Variants in C13orf42 observed in about 807,000 individuals in gnomAD.
C13orf42 encodes chromosome 13 open reading frame 42.
intron 1 of C13orf42, among the ~76,000 whole-genome samples, chr13:51,166,676 C>T (rs1256965067): frequency 2.0e-5 from 3 of 151,266 alleles, no homozygotes; most frequent in African/African-American, 7.3e-5. Context: ...TTTGAAATAG[C>T]ATACCAACAA....
upstream of C13orf42, among the ~76,000 whole-genome samples, chr13:51,113,719 C>T (rs926551970): frequency 9.9e-5 from 15 of 152,130 alleles, no homozygotes; most frequent in Non-Finnish European, 1.9e-4. Context: ...GAGTGAGCAA[C>T]CATACCTAGC....
intron 1 of C13orf42, among the ~76,000 whole-genome samples, chr13:51,124,064 A>C (rs1393200828): frequency 6.6e-6 from 1 of 152,204 alleles, no homozygotes; most frequent in African/African-American, 2.4e-5. Context: ...TTGTGAACCT[A>C]GGATCCACCT....
intron 1 of C13orf42, among the ~76,000 whole-genome samples, chr13:51,138,247 A>G (rs6561616): frequency 0.59 from 89,385 of 152,144 alleles, 26,705 homozygotes; most frequent in African/African-American, 0.69. Flanking sequence ...CACTGCTGTG[A>G]CATATTATGA....
intron 1 of C13orf42, among the ~76,000 whole-genome samples, chr13:51,105,011 G>C (rs966665577): frequency 2.6e-5 from 4 of 152,304 alleles, no homozygotes; most frequent in East Asian, 1.9e-4. Flanking sequence ...TAGGATGCAG[G>C]GTGGAGTGGA....
Position 51,110,818 on chromosome 13 carries a change from CGGACA to C in C13orf42, c.387_391del (p.Arg131TyrfsTer19), listed in dbSNP as rs1253743245. 21 of 398,450 alleles carry C rather than the reference CGGACA, an allele frequency of 5.3e-5. No homozygotes were observed. The highest frequency in any genetic ancestry group is 1.3e-5 in the Non-Finnish European group (3 of 226,064). 24.7% of individuals were successfully genotyped at this position (398,450 alleles called of 1,614,324 possible). On this transcript the variant is annotated frameshift_variant, in exon 1 of 4. Coordinates refer to ENST00000563710, the MANE Select transcript of C13orf42 (RefSeq NM_001351589.3). LOFTEE classifies it high-confidence loss of function. ...TACCTTTATTTCTTTGGGAGTAGACCGGACAGGAGTCTTTTTCCCTCCCTTGGAGG... is the reference window on the plus strand; with the variant it reads ...TACCTTTATTTCTTTGGGAGTAGACCGGAGTCTTTTTCCCTCCCTTGGAGG...
At chr13:51,092,175 G>A (rs192913358) in intron 1 of C13orf42, among the ~76,000 whole-genome samples, 29 of 152,202 alleles carry the variant, frequency 1.9e-4, no homozygotes, top group African/African-American at 4.3e-4. Flanking sequence ...ACTCTCCAAC[G>A]TGTCCCTAGT....
upstream of C13orf42, chr13:51,111,275 G>A (rs1953430405): frequency 7.5e-6 from 3 of 398,052 alleles, no homozygotes; most frequent in Non-Finnish European, 4.4e-6. Flanking sequence ...ATCTAGATGC[G>A]GGGAGAGAAG....
At chr13:51,160,963 G>GAAAAAAAAAAAAA (rs78703300) in intron 1 of C13orf42, among the ~76,000 whole-genome samples, 1 of 105,048 alleles carries the variant, frequency 9.5e-6, no homozygotes, top group Non-Finnish European at 1.9e-5. Flanking sequence ...TTGGAAACAA[G>GAAAAAAAAAAAAA]AAAAAAAAAA....
At chr13:51,130,839 A>G (rs561071293) in intron 1 of C13orf42, among the ~76,000 whole-genome samples, 6 of 129,038 alleles carry the variant, frequency 4.6e-5, no homozygotes, top group Non-Finnish European at 1.0e-4. Context: ...AAGGAAAGTG[A>G]AATGTGTTTT....
chr13:51,166,677 A>G (rs1953904739), intron 1 of C13orf42, among the ~76,000 whole-genome samples: 1 of 152,086 alleles, frequency 6.6e-6, no homozygotes, highest in Non-Finnish European at 1.5e-5. Context: ...TTGAAATAGC[A>G]TACCAACAAA....
chr13:51,102,363 A>G (rs542023082), intron 1 of C13orf42, among the ~76,000 whole-genome samples: 1 of 152,176 alleles, frequency 6.6e-6, no homozygotes, highest in East Asian at 1.9e-4. Context: ...TTGGATTCAG[A>G]CCCTCCTGCC....
At chr13:51,159,675 G>A (rs933756879) in intron 1 of C13orf42, among the ~76,000 whole-genome samples, 1 of 152,148 alleles carries the variant, frequency 6.6e-6, no homozygotes, top group East Asian at 1.9e-4. Flanking sequence ...AGATCCGAAG[G>A]ACATGGAGTC....
rs1214486652 is a variant in C13orf42, at chr13:51,093,862, T to C, written c.415-5787A>G. 7.9e-5 allele frequency among the ~76,000 whole-genome samples: 12 copies of C among 152,344 alleles called. No homozygotes were observed. The East Asian group carries it at 2.1e-3, about 27-fold the overall frequency. On this transcript the variant is annotated intron_variant, in intron 1 of 3. Transcript: ENST00000563710. ...ACTTTCCCTCATCAACCACATAGTC[T>C]GTTTAGGAATGGCAGAATACTTGCT...
intron 1 of C13orf42, among the ~76,000 whole-genome samples, chr13:51,158,323 C>A (rs1281364617): frequency 6.6e-6 from 1 of 152,172 alleles, no homozygotes; most frequent in Non-Finnish European, 1.5e-5. Context: ...CCTGGCTATG[C>A]CTCTCCCTGC....
intron 1 of C13orf42, among the ~76,000 whole-genome samples, chr13:51,121,963 C>T (rs767474593): frequency 6.6e-5 from 10 of 151,974 alleles, no homozygotes; most frequent in Non-Finnish European, 1.0e-4. Flanking sequence ...ATGTAATAAG[C>T]GGAAAAAGTC....
At chr13:51,167,682 G>T (rs1449884074) in intron 1 of C13orf42, among the ~76,000 whole-genome samples, 1 of 152,130 alleles carries the variant, frequency 6.6e-6, no homozygotes, top group African/African-American at 2.4e-5. Context: ...CCATTTTCAT[G>T]ATTTAAAAAG....
At chr13:51,159,378 TG>T (rs1953847323) in intron 1 of C13orf42, among the ~76,000 whole-genome samples, 1 of 152,158 alleles carries the variant, frequency 6.6e-6, no homozygotes, top group African/African-American at 2.4e-5. Flanking sequence ...GGGGATAGAA[TG>T]ACAAGAAAAT....
intron 1 of C13orf42, among the ~76,000 whole-genome samples, chr13:51,092,703 T>C (rs1161431681): frequency 2.6e-5 from 4 of 152,100 alleles, no homozygotes; most frequent in Admixed American, 6.5e-5. Context: ...GTCCAAATTA[T>C]ATAAACCAGT....
At chr13:51,120,352 C>A (rs183097132) in intron 1 of C13orf42, among the ~76,000 whole-genome samples, 15 of 152,220 alleles carry the variant, frequency 9.9e-5, no homozygotes, top group Middle Eastern at 3.4e-3. Flanking sequence ...AAGATGTGAA[C>A]GCAGAAGCTG....
Sources: allele counts gnomAD v4.1 joint callset (sites outside exome capture counted in the v4.1 genomes callset), GRCh38; gene constraint gnomAD v4.1.1; transcripts MANE v1.5; gene names NCBI Gene and HGNC (gene_info 2026-07-23, HGNC 2026-07-21).